RAB35: variants seen among roughly 807,000 people sequenced by gnomAD.
The protein encoded by RAB35 is ras-related protein Rab-35.
In RAB35, 4 loss-of-function variants were observed where a neutral mutation model predicts 28.9. That is an observed-to-expected ratio of 0.14 (90% confidence interval 0.07 to 0.32). The LOEUF (loss-of-function observed/expected upper bound fraction) is 0.32, where lower values mean the gene tolerates loss of function less well. Ranked by LOEUF, RAB35 falls within the 10% of genes least tolerant of loss-of-function variation. The pLI, the probability that RAB35 is intolerant of heterozygous loss-of-function variation, is 1.00. For missense variants in RAB35, 128 were observed against 274.0 expected (o/e 0.47, Z 3.76); for synonymous variants, 99 against 105.1 (o/e 0.94, Z 0.35).
At chr12:120,100,634 C>G (rs1027700488) in intron 3 of RAB35, among the ~76,000 whole-genome samples, 1 of 152,192 alleles carries the variant, frequency 6.6e-6, no homozygotes, top group Non-Finnish European at 1.5e-5. Context: ...CAACCTGCCC[C>G]TGCCACCGCC....
chr12:120,096,566 A>C lies in RAB35; in HGVS notation c.*679T>G, dbSNP rs752914261. 588 of 1,289,576 alleles carry C rather than the reference A, an allele frequency of 4.6e-4. No homozygotes were observed. The highest frequency in any genetic ancestry group is 5.7e-4 in the Non-Finnish European group (561 of 988,882). The allele number at this position is 1,289,576 out of a possible 1,614,324, so 79.9% of individuals were successfully genotyped here. A position where few individuals can be genotyped will look rare whatever the true frequency, so the allele number is the denominator to read the frequency against. ...AGAGGCATCTAGAAGGCAGGACAAG[A>C]AATCTGTTGGCCAAAGGGCAAGACC... On this transcript the variant is annotated 3_prime_UTR_variant, in exon 6 of 6. Transcript: ENST00000229340.
chr12:120,102,728 A>G (rs3852588), intron 3 of RAB35, among the ~76,000 whole-genome samples: 53,048 of 152,116 alleles, frequency 0.35, 12,841 homozygotes, highest in African/African-American at 0.68. Context: ...GCCCGGGGGC[A>G]GGGGCAGCCA....
intron 3 of RAB35, among the ~76,000 whole-genome samples, chr12:120,101,757 C>T (rs1875668554): frequency 6.6e-6 from 1 of 152,210 alleles, no homozygotes; most frequent in African/African-American, 2.4e-5. Flanking sequence ...AGCAGGGGCC[C>T]AGCCGCTGCC....
intron 1 of RAB35, among the ~76,000 whole-genome samples, chr12:120,109,219 C>T (rs945260711): frequency 9.2e-5 from 14 of 152,076 alleles, no homozygotes; most frequent in East Asian, 1.9e-4. Context: ...TTTGGGAGGC[C>T]GAGGCAGGCG....
chr12:120,105,019 T>C (rs1364845028), intron 2 of RAB35, among the ~76,000 whole-genome samples: 1 of 152,140 alleles, frequency 6.6e-6, no homozygotes, highest in Non-Finnish European at 1.5e-5. Context: ...GAGCACAGCT[T>C]CTCACTCCAT....
chr12:120,108,858 G>A (rs982889986), intron 1 of RAB35, among the ~76,000 whole-genome samples: 3 of 152,250 alleles, frequency 2.0e-5, no homozygotes, highest in East Asian at 1.9e-4. Flanking sequence ...TGCACAGCAC[G>A]TTGTAGCACA....
At chr12:120,102,486 A>T (rs3852587) in intron 3 of RAB35, among the ~76,000 whole-genome samples, 2 of 152,118 alleles carry the variant, frequency 1.3e-5, no homozygotes, top group South Asian at 2.1e-4. Flanking sequence ...GCACCACACC[A>T]GGGCGACCCC....
rs766404373 is a variant in RAB35, at chr12:120,097,201, G to C, written c.*44C>G. 5 of 1,613,792 alleles carry C rather than the reference G, an allele frequency of 3.1e-6. No homozygotes were observed. In the African/African-American group the frequency reaches 5.3e-5, roughly 17 times the overall value. ...GAGGAACCTCCGTGGGCCTCGGGCTGGGGGAGGGACCGCAGTGCAGTCTCT... is the reference window on the plus strand; with the variant it reads ...GAGGAACCTCCGTGGGCCTCGGGCTCGGGGAGGGACCGCAGTGCAGTCTCT... On this transcript the variant is annotated 3_prime_UTR_variant, in exon 6 of 6. Coordinates refer to ENST00000229340, the MANE Select transcript of RAB35 (RefSeq NM_006861.7).
rs557077293 is a variant in RAB35, at chr12:120,097,090, G to C, written c.*155C>G. 3.2e-6 allele frequency: 5 copies of C among 1,569,362 alleles called. No homozygotes were observed. Among genetic ancestry groups the C allele is most frequent in the East Asian group, 4.7e-5 (2 of 42,826 alleles). The stretch of plus-strand genomic sequence containing the variant: ...CACCTTCTTGGCACTCGAGGAGGGC[G>C]GGGGAGGAAGTGCCGATGGCACCTC... On this transcript the variant is annotated 3_prime_UTR_variant, in exon 6 of 6. Transcript: ENST00000229340.
chr12:120,108,575 G>A (rs752068702), intron 1 of RAB35, 108 bp from the exon 2 acceptor site: 24 of 1,004,054 alleles, frequency 2.4e-5, no homozygotes, highest in Middle Eastern at 2.0e-4. Flanking sequence ...TAAGAAGCTC[G>A]GTGGGACCCA....
intron 2 of RAB35, among the ~76,000 whole-genome samples, chr12:120,106,118 CTG>C (rs1199587462): frequency 1.3e-5 from 2 of 152,062 alleles, no homozygotes; most frequent in Non-Finnish European, 2.9e-5. Context: ...CAACAGTAAA[CTG>C]AGATGCTGGT....
chr12:120,098,755 G>A, intron 5 of RAB35, 56 bp downstream of exon 5: 1 of 1,607,938 alleles, frequency 6.2e-7, no homozygotes, highest in Non-Finnish European at 8.5e-7. Context: ...CAGGCCAGCA[G>A]CATGGAGAAG....
intron 1 of RAB35, among the ~76,000 whole-genome samples, chr12:120,111,606 A>C (rs1876120472): frequency 6.6e-6 from 1 of 151,420 alleles, no homozygotes; most frequent in South Asian, 2.1e-4. Context: ...GCCTGAACCC[A>C]GGAGGCGGAG....
Position 120,096,878 on chromosome 12 carries a change from C to G in RAB35, c.*367G>C, listed in dbSNP as rs181386973. On this transcript the variant is annotated 3_prime_UTR_variant, in exon 6 of 6. Coordinates refer to ENST00000229340, the MANE Select transcript of RAB35 (RefSeq NM_006861.7). ...GGCTGGGGAGGGGCGCGGGGAGGGT[C>G]TGTTGCAGCAGGCTGGCATCAAGAA... 4.0e-5 allele frequency: 52 copies of G among 1,310,064 alleles called. No homozygotes were observed. The African/African-American group carries it at 7.0e-4, about 18-fold the overall frequency. The allele number at this position is 1,310,064 out of a possible 1,614,324, so 81.2% of individuals were successfully genotyped here. A position where few individuals can be genotyped will look rare whatever the true frequency, so the allele number is the denominator to read the frequency against.
At chr12:120,106,769 A>G (rs1312085524) in intron 2 of RAB35, among the ~76,000 whole-genome samples, 1 of 151,624 alleles carries the variant, frequency 6.6e-6, no homozygotes, top group Admixed American at 6.6e-5. Flanking sequence ...TTTTATTTTT[A>G]GTAGAGACAG....
chr12:120,104,660 G>C lies in RAB35; in HGVS notation c.104-711C>G, dbSNP rs192964097. ...GAAAAATGGATTTTTTTTGGTGGGGGGGGGACAGCGTCTCATTCTGTCGCC... is the reference window on the plus strand; with the variant it reads ...GAAAAATGGATTTTTTTTGGTGGGGCGGGGACAGCGTCTCATTCTGTCGCC... On this transcript the variant is annotated intron_variant, in intron 2 of 5. Coordinates refer to ENST00000229340, the MANE Select transcript of RAB35 (RefSeq NM_006861.7). Among the ~76,000 whole-genome samples the C allele has an allele frequency of 6.7e-3, 1,014 of 152,106 alleles. 17 individuals are homozygous for C. Among genetic ancestry groups the C allele is most frequent in the African/African-American group, 0.023 (951 of 41,482 alleles).
chr12:120,112,421 A>C (rs1594246653), intron 1 of RAB35, among the ~76,000 whole-genome samples: 1 of 149,910 alleles, frequency 6.7e-6, no homozygotes, highest in African/African-American at 2.4e-5. Context: ...CTTTCAGTGA[A>C]CTGTTCTCGA....
At chr12:120,104,028 C>T in intron 2 of RAB35, 79 bp from the exon 3 acceptor site, 1 of 1,547,682 alleles carries the variant, frequency 6.5e-7, no homozygotes, top group Non-Finnish European at 8.7e-7. Context: ...ACAACACACC[C>T]CCAGGCTCCC....
intron 1 of RAB35, among the ~76,000 whole-genome samples, chr12:120,116,301 G>C (rs1276221978): frequency 6.6e-6 from 1 of 152,170 alleles, no homozygotes; most frequent in East Asian, 1.9e-4. Context: ...TGGTAGTCCT[G>C]AGACTCGAAC....
Sources: gnomAD v4.1 joint callset for allele counts (sites outside exome capture counted in the v4.1 genomes callset) on GRCh38, gnomAD v4.1.1 for gene constraint, MANE v1.5 for transcripts, NCBI Gene and HGNC (gene_info 2026-07-23, HGNC 2026-07-21) for gene names.